ZNF568: variants seen among roughly 807,000 people sequenced by gnomAD.
ZNF568 encodes the protein zinc finger protein 568.
In ZNF568, 11 loss-of-function variants were observed where a neutral mutation model predicts 18.1. That is an observed-to-expected ratio of 0.61 (90% CI 0.38 to 1.00). The LOEUF (loss-of-function observed/expected upper bound fraction) is 1.00. Ranked by LOEUF, ZNF568 falls within the 50% of genes least tolerant of loss-of-function variation. The pLI, the probability that ZNF568 is intolerant of heterozygous loss-of-function variation, is 0.01. For synonymous variants in ZNF568, 213 were observed against 246.6 expected (o/e 0.86, Z 1.28); for missense variants, 639 against 768.2 (o/e 0.83, Z 1.99).
intron 7 of ZNF568, among the ~76,000 whole-genome samples, chr19:36,974,824 C>G (rs2074267135): frequency 8.3e-6 from 1 of 121,106 alleles, no homozygotes; most frequent in Admixed American, 9.0e-5. Context: ...TTTTGCTTAC[C>G]AATTTTTTTT....
At chr19:36,934,431 GGTCCC>G (rs1228320247) in intron 4 of ZNF568, among the ~76,000 whole-genome samples, 3 of 151,186 alleles carry the variant, frequency 2.0e-5, no homozygotes, top group African/African-American at 7.3e-5. Context: ...ACTTCAGCCC[GGTCCC>G]CTAAGCTCCC....
downstream of ZNF568, among the ~76,000 whole-genome samples, chr19:36,957,285 G>T (rs375553221): frequency 1.4e-4 from 19 of 136,808 alleles, no homozygotes; most frequent in East Asian, 1.4e-3. Flanking sequence ...AGGCTGGAGT[G>T]CAGTGGCGCG....
chr19:36,918,865 C>A (rs2073401080), intron 2 of ZNF568, among the ~76,000 whole-genome samples: 1 of 152,132 alleles, frequency 6.6e-6, no homozygotes, highest in Admixed American at 6.5e-5. Flanking sequence ...CTAAATACTT[C>A]ATATAAGCAG....
chr19:36,945,400 G>C lies in ZNF568; in HGVS notation c.359-4112G>C, dbSNP rs576181717. 6.6e-5 allele frequency among the ~76,000 whole-genome samples: 10 copies of C among 152,210 alleles called. No individual in the cohort carries two copies. The East Asian group carries it at 1.9e-3, about 29-fold the overall frequency. ...TCAGCCTACTCAGTGTGAAGATAATGAGGATGAAGATGTTTAGGATTATCC... is the reference window on the plus strand; with the variant it reads ...TCAGCCTACTCAGTGTGAAGATAATCAGGATGAAGATGTTTAGGATTATCC... On this transcript the variant is annotated intron_variant, in intron 6 of 6. Transcript: ENST00000333987.
At chr19:36,995,923 T>A (rs1195565479) in intron 4 of ZNF568, among the ~76,000 whole-genome samples, 1 of 152,204 alleles carries the variant, frequency 6.6e-6, no homozygotes, top group Non-Finnish European at 1.5e-5. Context: ...CCCTCAAAGA[T>A]GTCTATATCC....
intron 4 of ZNF568, chr19:36,996,268 G>T (rs2074470433): frequency 7.3e-7 from 1 of 1,372,008 alleles, no homozygotes; most frequent in Admixed American, 2.5e-5. Context: ...ACTTTTCTTT[G>T]TCCTGCAATG....
In ZNF568 at chr19:36,964,016, G is replaced by GAGGA. The variant is rs1350673344; in HGVS notation, c.359-10392_359-10389dup. Among the ~76,000 whole-genome samples the GAGGA allele has an allele frequency of 2.2e-3, 290 of 129,032 alleles. 1 individual carries two copies. Among genetic ancestry groups the GAGGA allele is most frequent in the Non-Finnish European group, 3.7e-3 (227 of 60,728 alleles). The allele number at this position is 129,032 out of a possible 152,430, so 84.7% of individuals were successfully genotyped here. A position where few individuals can be genotyped will look rare whatever the true frequency, so the allele number is the denominator to read the frequency against. On this transcript the variant is annotated intron_variant, in intron 6 of 7. Coordinates refer to the ZNF568 transcript ENST00000427117. ...GGAGGGACGGAGGGAGGGAGGGAGG[G>GAGGA]AGGAAGGAAGGAAGGGAGGATGGAT...
chr19:36,938,759 C>G (rs923078624), intron 6 of ZNF568, among the ~76,000 whole-genome samples: 1 of 152,152 alleles, frequency 6.6e-6, no homozygotes, highest in Admixed American at 6.5e-5. Flanking sequence ...AAGTCTGAAG[C>G]CTGATTATTT....
At chr19:36,955,468 T>G (rs1395104354), downstream of ZNF568, among the ~76,000 whole-genome samples, 2 of 152,152 alleles carry the variant, frequency 1.3e-5, no homozygotes, top group East Asian at 3.9e-4. Context: ...AAAAGGGCGT[T>G]TTACTGATCT....
rs2146290687 is a variant in ZNF568 at position 36,936,771 on chromosome 19, C to T, written c.161C>T (p.Ala54Val). The part of the protein sequence containing the change: ...PLETVTFKDV[A>V]VDLTQEEWEQ... ...GAAACAGTGACATTTAAGGATGTGG[C>T]TGTTGACCTTACCCAGGAGGAGTGG... The change falls in exon 5 of 7, where the codon GCT (alanine) becomes GTT (valine). Residue 54 changes from alanine (A) to valine (V), a missense_variant. Transcript: ENST00000333987. 1 of 1,613,674 alleles carries T rather than the reference C, an allele frequency of 6.2e-7. No individual in the cohort carries two copies. Among genetic ancestry groups the T allele is most frequent in the Non-Finnish European group, 8.5e-7 (1 of 1,179,688 alleles).
At chr19:36,963,032 C>A (rs1003370162) in intron 6 of ZNF568, among the ~76,000 whole-genome samples, 22 of 152,066 alleles carry the variant, frequency 1.4e-4, no homozygotes, top group African/African-American at 5.1e-4. Flanking sequence ...TCTTGTTAGG[C>A]TTTGGAAGTT....
At chr19:36,968,674 C>T (rs977088126) in intron 6 of ZNF568, among the ~76,000 whole-genome samples, 12 of 150,422 alleles carry the variant, frequency 8.0e-5, no homozygotes, top group African/African-American at 2.9e-4. Context: ...ACAATGGAGA[C>T]ATGTGGCCAT....
intron 4 of ZNF568, among the ~76,000 whole-genome samples, chr19:36,926,630 T>C (rs775363764): frequency 6.6e-6 from 1 of 152,204 alleles, no homozygotes; most frequent in Non-Finnish European, 1.5e-5. Flanking sequence ...TAGGCATTGT[T>C]ATTTTTTTCT....
At chr19:36,924,223 T>C (rs2073506719) in intron 3 of ZNF568, among the ~76,000 whole-genome samples, 2 of 151,622 alleles carry the variant, frequency 1.3e-5, no homozygotes, top group Non-Finnish European at 2.9e-5. Flanking sequence ...TTCTAAATTA[T>C]TTTTTTTGAG....
chr19:36,927,180 A>G lies in ZNF568; in HGVS notation c.135+1922A>G, dbSNP rs563522729. Among the ~76,000 whole-genome samples the G allele has an allele frequency of 2.0e-5, 3 of 152,346 alleles. No individual in the cohort carries two copies. In the East Asian group the frequency reaches 5.8e-4, roughly 29 times the overall value. On this transcript the variant is annotated intron_variant, in intron 4 of 6. Transcript: ENST00000333987. The stretch of plus-strand genomic sequence containing the variant: ...TAGTTACATTTAGTGTATGATAAAT[A>G]TGTATACATAATAGAATTCAGTCAA...
chr19:36,978,556 G>T (rs1046280366), intron 7 of ZNF568, among the ~76,000 whole-genome samples: 1 of 151,976 alleles, frequency 6.6e-6, no homozygotes, highest in Non-Finnish European at 1.5e-5. Flanking sequence ...CACACGTTAC[G>T]TGAAACTTTC....
At chr19:36,994,877 C>T (rs1369087025) in intron 4 of ZNF568, among the ~76,000 whole-genome samples, 2 of 152,074 alleles carry the variant, frequency 1.3e-5, no homozygotes, top group African/African-American at 4.8e-5. Context: ...GTCTTGAACT[C>T]CTGACCTCGA....
At chr19:36,930,209 A>G (rs1189483576) in intron 4 of ZNF568, among the ~76,000 whole-genome samples, 3 of 112,258 alleles carry the variant, frequency 2.7e-5, no homozygotes, top group Non-Finnish European at 5.5e-5. Context: ...CAGGGATGCA[A>G]TTTCTTTTTT....
intron 6 of ZNF568, among the ~76,000 whole-genome samples, chr19:36,971,984 G>A (rs964737122): frequency 4.0e-5 from 6 of 149,520 alleles, no homozygotes; most frequent in East Asian, 2.0e-4. Flanking sequence ...ACAGGTGCGC[G>A]CCACCACACC....
Sources: gnomAD v4.1 joint callset for allele counts (sites outside exome capture counted in the v4.1 genomes callset) on GRCh38, gnomAD v4.1.1 for gene constraint, MANE v1.5 for transcripts, NCBI Gene and HGNC (gene_info 2026-07-23, HGNC 2026-07-21) for gene names.